ZZZ3: variants seen among roughly 807,000 people sequenced by gnomAD.
ZZZ3 encodes the protein ZZ-type zinc finger-containing protein 3.
Under a neutral mutation model 95.2 loss-of-function variants are expected in ZZZ3, and 22 were observed. The ratio of observed to expected loss-of-function variants is 0.23; its 90% CI spans 0.17 to 0.33. The LOEUF is 0.33. Ranked by LOEUF, ZZZ3 falls within the 10% of genes least tolerant of loss-of-function variation. The probability of loss-of-function intolerance (pLI) is 1.00; values close to 1 mark genes in which losing one functional copy is unlikely to be tolerated. For synonymous variants in ZZZ3, 335 were observed against 358.9 expected (o/e 0.93, Z 0.75); for missense variants, 885 against 1,066.5 (o/e 0.83, Z 2.37).
At chr1:77,641,986 T>C (rs1037985723) in intron 1 of ZZZ3, among the ~76,000 whole-genome samples, 2 of 152,146 alleles carry the variant, frequency 1.3e-5, no homozygotes, top group Non-Finnish European at 2.9e-5. Context: ...CTACAATTAC[T>C]CTCCATTAAT....
intron 4 of ZZZ3, among the ~76,000 whole-genome samples, chr1:77,637,484 T>C (rs1276392607): frequency 6.6e-6 from 1 of 152,162 alleles, no homozygotes; most frequent in African/African-American, 2.4e-5. Flanking sequence ...AATTATCTAA[T>C]AAACTGAGTG....
intron 11 of ZZZ3, among the ~76,000 whole-genome samples, chr1:77,578,534 A>C (rs942711665): frequency 2.6e-5 from 4 of 152,368 alleles, no homozygotes; most frequent in Non-Finnish European, 5.9e-5. Context: ...TTTTGAATCT[A>C]AAATCTTTCA....
intron 5 of ZZZ3, among the ~76,000 whole-genome samples, chr1:77,603,192 C>T (rs1664906444): frequency 1.3e-5 from 2 of 152,096 alleles, no homozygotes; most frequent in African/African-American, 4.8e-5. Context: ...AATCCTCCCA[C>T]CTCAACCTCC....
intron 5 of ZZZ3, among the ~76,000 whole-genome samples, chr1:77,627,079 G>T (rs1213987051): frequency 6.6e-6 from 1 of 152,100 alleles, no homozygotes; most frequent in East Asian, 1.9e-4. Flanking sequence ...CTCCATGAGG[G>T]TTCTCAACAT....
At chr1:77,569,615 T>A (rs913479831) in intron 12 of ZZZ3, among the ~76,000 whole-genome samples, 1 of 152,294 alleles carries the variant, frequency 6.6e-6, no homozygotes, top group Non-Finnish European at 1.5e-5. Context: ...TTACACTGAT[T>A]CTACTGAAAT....
At position 77,568,422 on chromosome 1, in the gene ZZZ3, A is replaced by G; in HGVS notation, c.2376T>C (p.Tyr792=). Residue 792 remains tyrosine, a synonymous_variant, in exon 13 of 15, where the codon TAT becomes TAC. Coordinates refer to ENST00000370801, the MANE Select transcript of ZZZ3 (RefSeq NM_015534.6). ...IPIMYRNLPE[Y]KELLQFKKLK... ...ACTTTTTAAACTGTAATAGTTCTTT[A>G]TATTCAGGTAAATTCCTATACATGA... The G allele has an allele frequency of 6.8e-7, 1 of 1,468,404 alleles. No homozygotes were observed. The highest frequency in any genetic ancestry group is 2.1e-4 in the Middle Eastern group (1 of 4,878). The allele number at this position is 1,468,404 out of a possible 1,614,324, so 91.0% of individuals were successfully genotyped here.
chr1:77,583,124 G>C (rs1277165971), intron 6 of ZZZ3, among the ~76,000 whole-genome samples: 2 of 151,662 alleles, frequency 1.3e-5, no homozygotes, highest in Admixed American at 1.3e-4. Flanking sequence ...AAAGAAAAAA[G>C]AAAGAAATGA....
At chr1:77,655,194 T>C (rs759845498) in intron 1 of ZZZ3, among the ~76,000 whole-genome samples, 1 of 152,166 alleles carries the variant, frequency 6.6e-6, no homozygotes. Context: ...AATCCATTCA[T>C]GAGGGCAGAG....
chr1:77,616,085 CATTA>C (rs1666284166), intron 5 of ZZZ3, among the ~76,000 whole-genome samples: 1 of 152,278 alleles, frequency 6.6e-6, no homozygotes, highest in African/African-American at 2.4e-5. Flanking sequence ...AAAGAATTCT[CATTA>C]ATTAGTCAGA....
At chr1:77,597,529 T>C (rs890356256) in intron 5 of ZZZ3, among the ~76,000 whole-genome samples, 3 of 152,086 alleles carry the variant, frequency 2.0e-5, no homozygotes, top group Non-Finnish European at 2.9e-5. Flanking sequence ...AGCTGGGTGA[T>C]TAAAGTCACA....
intron 6 of ZZZ3, 118 bp downstream of exon 6, chr1:77,584,399 T>C: frequency 1.9e-6 from 2 of 1,028,380 alleles, no homozygotes; most frequent in South Asian, 2.4e-5. Context: ...CGGCTAATTA[T>C]AGACGAAAAA....
chr1:77,610,581 A>C (rs891393341), intron 5 of ZZZ3, among the ~76,000 whole-genome samples: 1 of 151,990 alleles, frequency 6.6e-6, no homozygotes. Context: ...CAAGCAAACA[A>C]AATTCAACAA....
At chr1:77,648,668 A>C (rs982826807) in intron 1 of ZZZ3, among the ~76,000 whole-genome samples, 1 of 152,230 alleles carries the variant, frequency 6.6e-6, no homozygotes, top group Non-Finnish European at 1.5e-5. Flanking sequence ...CCTAACAGAG[A>C]GAAACAAGAG....
intron 5 of ZZZ3, among the ~76,000 whole-genome samples, chr1:77,622,821 G>GT (rs1667009172): frequency 6.6e-6 from 1 of 152,084 alleles, no homozygotes; most frequent in Admixed American, 6.6e-5. Flanking sequence ...AATTCTTACT[G>GT]TTACAATTTC....
intron 4 of ZZZ3, among the ~76,000 whole-genome samples, chr1:77,634,028 G>A (rs1296742641): frequency 6.6e-6 from 1 of 151,998 alleles, no homozygotes; most frequent in East Asian, 1.9e-4. Context: ...AAATTAGCCA[G>A]GTGTGGTGGC....
At chr1:77,606,765 C>T (rs967940343) in intron 5 of ZZZ3, among the ~76,000 whole-genome samples, 2 of 152,270 alleles carry the variant, frequency 1.3e-5, no homozygotes, top group African/African-American at 4.8e-5. Flanking sequence ...TACAATGTTA[C>T]TGGGCTTGGG....
At chr1:77,653,140 T>C (rs573202050) in intron 1 of ZZZ3, among the ~76,000 whole-genome samples, 56 of 152,158 alleles carry the variant, frequency 3.7e-4, no homozygotes, top group African/African-American at 1.1e-3. Context: ...TGAGCCACGA[T>C]TGTGCCACTG....
chr1:77,637,824 A>G (rs1668436950), intron 4 of ZZZ3, among the ~76,000 whole-genome samples: 1 of 152,234 alleles, frequency 6.6e-6, no homozygotes, highest in South Asian at 2.1e-4. Flanking sequence ...GTACAAAATT[A>G]TATTTCTGCC....
chr1:77,610,436 G>A (rs991104321), intron 5 of ZZZ3, among the ~76,000 whole-genome samples: 61 of 152,032 alleles, frequency 4.0e-4, no homozygotes, highest in Middle Eastern at 3.4e-3. Context: ...AAAAAATAGA[G>A]GAGGAGGGAA....
Sources: gnomAD v4.1 joint callset for allele counts (sites outside exome capture counted in the v4.1 genomes callset) on GRCh38, gnomAD v4.1.1 for gene constraint, MANE v1.5 for transcripts, NCBI Gene and HGNC (gene_info 2026-07-23, HGNC 2026-07-21) for gene names.